The following THRB variants were observed in gnomAD, a reference collection of about 807,000 sequenced individuals.
The protein encoded by THRB is thyroid hormone receptor beta, also known as nuclear receptor subfamily 1 group A member 2.
In THRB, 12 loss-of-function variants were observed where a neutral mutation model predicts 47.8. The observed-to-expected ratio is 0.25, with a 90% CI of 0.16 to 0.41. The LOEUF is 0.41. Ranked by LOEUF, THRB falls within the 10% of genes least tolerant of loss-of-function variation. THRB has a pLI of 1.00. For missense variants in THRB, 348 were observed against 589.2 expected (o/e 0.59, Z 4.24); for synonymous variants, 218 against 212.2 (o/e 1.03, Z -0.24).
At chr3:24,224,839 T>C (rs1196938290) in intron 4 of THRB, among the ~76,000 whole-genome samples, 1 of 152,228 alleles carries the variant, frequency 6.6e-6, no homozygotes, top group East Asian at 1.9e-4. Flanking sequence ...TTCTCATTAT[T>C]AGATAAGGAA....
Position 24,122,767 on chromosome 3 carries a change from C to T in THRB, c.*117G>A, listed in dbSNP as rs1357787943. The T allele has an allele frequency of 1.4e-6, 2 of 1,479,502 alleles. No individual in the cohort carries two copies. Among genetic ancestry groups the T allele is most frequent in the Admixed American group, 1.7e-5 (1 of 59,168 alleles). The allele number at this position is 1,479,502 out of a possible 1,614,324, so 91.6% of individuals were successfully genotyped here. On this transcript the variant is annotated 3_prime_UTR_variant, in exon 11 of 11. Coordinates refer to ENST00000646209, the MANE Select transcript of THRB (RefSeq NM_001354712.2). ...CATGTCTATGCCAAGGACTACTTCC[C>T]TTTTCCCTCCCAAATAATCCCTCCC...
intron 1 of THRB, among the ~76,000 whole-genome samples, chr3:24,436,462 A>T (rs2070965526): frequency 6.6e-6 from 1 of 152,132 alleles, no homozygotes; most frequent in Admixed American, 6.5e-5. Context: ...CTTAAAATAT[A>T]TAGATAGTAT....
intron 3 of THRB, among the ~76,000 whole-genome samples, chr3:24,236,139 C>T (rs916933051): frequency 1.3e-5 from 2 of 152,130 alleles, no homozygotes; most frequent in Admixed American, 1.3e-4. Context: ...TTCCTTATCC[C>T]CCTCATAGGA....
intron 1 of THRB, among the ~76,000 whole-genome samples, chr3:24,451,889 T>C (rs1274344884): frequency 6.6e-6 from 1 of 152,248 alleles, no homozygotes; most frequent in Non-Finnish European, 1.5e-5. Flanking sequence ...TGGGGTGAAC[T>C]AGGGAACCTT....
intron 9 of THRB, 71 bp downstream of exon 9, chr3:24,133,245 A>T: frequency 6.5e-7 from 1 of 1,534,126 alleles, no homozygotes; most frequent in Non-Finnish European, 9.0e-7. Flanking sequence ...ATTGTAAATA[A>T]TACCCAGTAT....
At chr3:24,472,678 C>T (rs1316490409) in intron 1 of THRB, among the ~76,000 whole-genome samples, 1 of 152,174 alleles carries the variant, frequency 6.6e-6, no homozygotes, top group Admixed American at 6.5e-5. Flanking sequence ...CTGATAGTCA[C>T]TTACTGTAAG....
chr3:24,343,186 C>G (rs2062792851), intron 1 of THRB, among the ~76,000 whole-genome samples: 1 of 152,096 alleles, frequency 6.6e-6, no homozygotes, highest in African/African-American at 2.4e-5. Context: ...AATTCACAAC[C>G]CTCCTTAAGT....
chr3:24,315,202 T>A (rs781420055), intron 2 of THRB, among the ~76,000 whole-genome samples: 12 of 152,188 alleles, frequency 7.9e-5, no homozygotes, highest in Non-Finnish European at 1.5e-4. Flanking sequence ...TGCAACACAA[T>A]CTCCTTCAGT....
At chr3:24,185,219 A>C (rs1439164778) in intron 5 of THRB, among the ~76,000 whole-genome samples, 9 of 152,242 alleles carry the variant, frequency 5.9e-5, no homozygotes, top group Non-Finnish European at 1.3e-4. Flanking sequence ...ATAGCCAATG[A>C]AAGTCAGGAC....
intron 9 of THRB, 124 bp from the exon 10 acceptor site, chr3:24,127,881 A>G: frequency 8.6e-7 from 1 of 1,165,328 alleles, no homozygotes; most frequent in Non-Finnish European, 1.3e-6. Flanking sequence ...GCATTCTTTG[A>G]GCCCATGGTT....
At chr3:24,332,934 A>T (rs1003991431) in intron 2 of THRB, among the ~76,000 whole-genome samples, 1 of 151,992 alleles carries the variant, frequency 6.6e-6, no homozygotes, top group African/African-American at 2.4e-5. Context: ...AAATACAAAA[A>T]ATTAGCCGGG....
chr3:24,468,854 G>A (rs903000546), intron 1 of THRB, among the ~76,000 whole-genome samples: 1 of 152,176 alleles, frequency 6.6e-6, no homozygotes, highest in Non-Finnish European at 1.5e-5. Flanking sequence ...TCTGCTTGAC[G>A]CATAGTTGCC....
At chr3:24,149,400 G>C (rs1364271810) in intron 6 of THRB, among the ~76,000 whole-genome samples, 2 of 152,148 alleles carry the variant, frequency 1.3e-5, no homozygotes, top group Admixed American at 1.3e-4. Context: ...TCATGTTCAG[G>C]GGTGGGTTTA....
intron 3 of THRB, among the ~76,000 whole-genome samples, chr3:24,281,489 T>C (rs952795152): frequency 6.6e-6 from 1 of 151,682 alleles, no homozygotes; most frequent in Non-Finnish European, 1.5e-5. Flanking sequence ...CATGCCAAAA[T>C]GTAAAGACCA....
At chr3:24,440,315 C>A (rs982560575) in intron 1 of THRB, among the ~76,000 whole-genome samples, 7 of 152,090 alleles carry the variant, frequency 4.6e-5, no homozygotes, top group African/African-American at 1.7e-4. Flanking sequence ...ACTATCTATA[C>A]CCTCATCAAA....
At position 24,121,074 on chromosome 3, in the gene THRB, C is replaced by A. The variant is rs1173472046; in HGVS notation, c.*1810G>T. On this transcript the variant is annotated 3_prime_UTR_variant, in exon 11 of 11. Coordinates refer to ENST00000646209, the MANE Select transcript of THRB (RefSeq NM_001354712.2). ...TTCCTTAACTGTTAAGTGGGCCATA[C>A]TTCTTGTCTAATAAAGTTAGGAATT... 6.6e-6 allele frequency: 1 copy of A among 151,974 alleles called. No homozygotes were observed. The highest frequency in any genetic ancestry group is 1.5e-5 in the Non-Finnish European group (1 of 68,024). 9.4% of individuals were successfully genotyped at this position (151,974 alleles called of 1,614,324 possible). A position where few individuals can be genotyped will look rare whatever the true frequency, so the allele number is the denominator to read the frequency against.
intron 3 of THRB, among the ~76,000 whole-genome samples, chr3:24,245,278 G>C (rs960830240): frequency 3.3e-5 from 5 of 152,082 alleles, no homozygotes; most frequent in African/African-American, 1.2e-4. Context: ...GAGTTAGACT[G>C]CCAACCACAA....
intron 3 of THRB, among the ~76,000 whole-genome samples, chr3:24,259,149 C>G (rs2150462222): frequency 1.3e-5 from 2 of 152,226 alleles, no homozygotes; most frequent in Middle Eastern, 6.8e-3. Flanking sequence ...TCAGTCTCGA[C>G]AGAATTTATT....
intron 1 of THRB, among the ~76,000 whole-genome samples, chr3:24,396,562 T>A (rs534964671): frequency 1.3e-5 from 2 of 152,180 alleles, no homozygotes; most frequent in South Asian, 4.2e-4. Context: ...GACCAACACT[T>A]GTGAGAAGAC....
Sources: gnomAD v4.1 joint callset for allele counts (sites outside exome capture counted in the v4.1 genomes callset) on GRCh38, gnomAD v4.1.1 for gene constraint, MANE v1.5 for transcripts, NCBI Gene and HGNC (gene_info 2026-07-23, HGNC 2026-07-21) for gene names.